The following LEPROT variants were observed in gnomAD, a reference collection of about 807,000 sequenced individuals.
The protein encoded by LEPROT is leptin receptor overlapping transcript, also known as leptin receptor gene-related protein.
Under a neutral mutation model 15.4 loss-of-function variants are expected in LEPROT, and 3 were observed. The observed-to-expected ratio is 0.19, with a 90% CI of 0.09 to 0.50. The LOEUF (loss-of-function observed/expected upper bound fraction) is 0.50. LEPROT is among the 20% of genes least tolerant of loss of function. The probability of loss-of-function intolerance (pLI) is 0.97; values close to 1 mark genes in which losing one functional copy is unlikely to be tolerated. For missense variants in LEPROT, 137 were observed against 162.2 expected, an observed-to-expected ratio of 0.84 and a Z score of 0.84; for synonymous variants, 59 against 57.5, an observed-to-expected ratio of 1.03 and a Z score of -0.12.
chr1:65,429,838 A>G (rs1646451841), intron 2 of LEPROT, 24 bp from the exon 3 acceptor site: 1 of 1,395,574 alleles, frequency 7.2e-7, no homozygotes, highest in Non-Finnish European at 9.4e-7. Flanking sequence ...TTCTTTTTGG[A>G]TTTTGCCTGG....
At chr1:65,423,514 A>G (rs1039988709) in intron 1 of LEPROT, among the ~76,000 whole-genome samples, 1 of 152,204 alleles carries the variant, frequency 6.6e-6, no homozygotes, top group African/African-American at 2.4e-5. Context: ...GGTCAGGCAC[A>G]GAGGAGAGGA....
chr1:65,420,795 C>G (rs1476611629), intron 1 of LEPROT, 55 bp downstream of exon 1: 13 of 1,555,798 alleles, frequency 8.4e-6, no homozygotes, highest in Non-Finnish European at 1.1e-5. Context: ...ACCTCCGTTC[C>G]GGTCAAGCCT....
At chr1:65,425,227 C>T (rs560381139) in intron 1 of LEPROT, 76 bp from the exon 2 acceptor site, 3 of 1,260,824 alleles carry the variant, frequency 2.4e-6, no homozygotes, top group African/African-American at 3.0e-5. Flanking sequence ...AGAAGTCACT[C>T]CCCATTTCCC....
Position 65,431,773 on chromosome 1 carries a change from G to A in LEPROT, c.280-30G>A. The A allele has an allele frequency of 3.1e-6, 5 of 1,602,030 alleles. No homozygotes were observed. In the South Asian group the frequency reaches 4.5e-5, roughly 14 times the overall value. ...AAAGAGTACAATATGAAGGAAGTAA[G>A]GATTTAATCCTTCTTTTCTTGTCTT... On this transcript the variant is annotated intron_variant, in intron 3 of 3. Coordinates refer to ENST00000371065, the MANE Select transcript of LEPROT (RefSeq NM_017526.5).
In LEPROT at chr1:65,434,074, A is replaced by G; in HGVS notation, c.*2155A>G. The G allele has an allele frequency of 1.0e-6, 1 of 985,364 alleles. No individual in the cohort carries two copies. Among genetic ancestry groups the G allele is most frequent in the African/African-American group, 1.7e-5 (1 of 57,364 alleles). The allele number at this position is 985,364 out of a possible 1,614,324, so 61.0% of individuals were successfully genotyped here. ...ATTTTCAATAACCAAGGTAGCCTTC[A>G]TATGTAGCCTTAAAGCATTACCTCT... On this transcript the variant is annotated 3_prime_UTR_variant, in exon 4 of 4. Coordinates refer to ENST00000371065, the MANE Select transcript of LEPROT (RefSeq NM_017526.5).
Position 65,433,989 on chromosome 1 carries a change from G to C in LEPROT, c.*2070G>C, listed in dbSNP as rs923327685. ...GGTGTGCAATAGCTTTTCTTTCTAA[G>C]ATGGCAATAATGATTCATTTCTACT... On this transcript the variant is annotated 3_prime_UTR_variant, in exon 4 of 4. Transcript: ENST00000371065. The C allele has an allele frequency of 8.1e-6, 8 of 985,204 alleles. No homozygotes were observed. Among genetic ancestry groups the C allele is most frequent in the Non-Finnish European group, 9.6e-6 (8 of 829,860 alleles). The allele number at this position is 985,204 out of a possible 1,614,324, so 61.0% of individuals were successfully genotyped here.
intron 1 of LEPROT, 59 bp downstream of exon 1, chr1:65,420,799 C>G (rs1209823192): frequency 1.9e-6 from 3 of 1,552,098 alleles, no homozygotes; most frequent in African/African-American, 2.7e-5. Context: ...CCGTTCCGGT[C>G]AAGCCTGGGG....
rs751274965 is a variant in LEPROT at position 65,431,848 on chromosome 1, AT to A, written c.329del (p.Phe110SerfsTer27). The A allele has an allele frequency of 1.9e-6, 3 of 1,614,120 alleles. No individual in the cohort carries two copies. The highest frequency in any genetic ancestry group is 2.5e-6 in the Non-Finnish European group (3 of 1,179,994). On this transcript the variant is annotated frameshift_variant, in exon 4 of 4. Transcript: ENST00000371065. LOFTEE classifies it high-confidence loss of function. ...CCTTGTGTTGGCAGGCAATGCAGTC[AT>A]TTTCCTTACAATTCAAGGGTTTTTC... ...CGLVLAGNAV[I>X]FLTIQGFFLI...
chr1:65,429,047 C>T (rs896328991), intron 2 of LEPROT, among the ~76,000 whole-genome samples: 19 of 151,952 alleles, frequency 1.3e-4, no homozygotes, highest in African/African-American at 4.6e-4. Flanking sequence ...TCATTCTAGG[C>T]CCTGGAGATA....
chr1:65,428,631 C>T (rs1646425486), intron 2 of LEPROT, among the ~76,000 whole-genome samples: 1 of 152,138 alleles, frequency 6.6e-6, no homozygotes, highest in African/African-American at 2.4e-5. Flanking sequence ...GGCTTCATCC[C>T]AACTCCTGCT....
chr1:65,421,421 G>T, intron 1 of LEPROT: 1 of 1,536,116 alleles, frequency 6.5e-7, no homozygotes, highest in Middle Eastern at 1.7e-4. Flanking sequence ...AGAGCAATGC[G>T]AGACGGAAAA....
At chr1:65,429,756 G>T (rs1241571977) in intron 2 of LEPROT, 106 bp from the exon 3 acceptor site, 5 of 967,528 alleles carry the variant, frequency 5.2e-6, no homozygotes, top group Non-Finnish European at 7.3e-6. Context: ...TTAATTTTTT[G>T]ACCTAAACAT....
chr1:65,431,429 A>G (rs779216634), intron 3 of LEPROT, among the ~76,000 whole-genome samples: 5 of 152,258 alleles, frequency 3.3e-5, no homozygotes, highest in African/African-American at 4.8e-5. Flanking sequence ...ACACAAATTT[A>G]TAACTCTACA....
intron 1 of LEPROT, chr1:65,421,500 C>G: frequency 6.5e-7 from 1 of 1,535,076 alleles, no homozygotes; most frequent in Non-Finnish European, 8.7e-7. Flanking sequence ...AATAGAGTAG[C>G]ATGACTTGTT....
At chr1:65,427,118 C>T (rs1487717615) in intron 2 of LEPROT, among the ~76,000 whole-genome samples, 1 of 152,080 alleles carries the variant, frequency 6.6e-6, no homozygotes, top group Non-Finnish European at 1.5e-5. Context: ...TTGTTTAAAC[C>T]CAAGAGGGAT....
Position 65,434,180 on chromosome 1 carries a change from G to A in LEPROT, c.*2261G>A. 1 of 983,492 alleles carries A rather than the reference G, an allele frequency of 1.0e-6. No homozygotes were observed. Among genetic ancestry groups the A allele is most frequent in the Non-Finnish European group, 1.2e-6 (1 of 828,198 alleles). 60.9% of individuals were successfully genotyped at this position (983,492 alleles called of 1,614,324 possible). ...AGATTATTAGATTTGCTCTATGTCT[G>A]AAAAGAGAGCTATTCTGCAGTGCCT... On this transcript the variant is annotated 3_prime_UTR_variant, in exon 4 of 4. Coordinates refer to ENST00000371065, the MANE Select transcript of LEPROT (RefSeq NM_017526.5).
chr1:65,427,309 C>A (rs754510899), intron 2 of LEPROT, among the ~76,000 whole-genome samples: 38 of 152,188 alleles, frequency 2.5e-4, no homozygotes, highest in Non-Finnish European at 4.7e-4. Context: ...CGTGGTGGCT[C>A]ATGCCTATAA....
rs746837693 is a variant in LEPROT, at chr1:65,425,292, A to G, written c.17-11A>G. Reference sequence around the variant, plus strand: ...TGTGGGAACTTTAACTTTTGGCTTTATTTTTCACAGCTCTCGTGGCATTAT... The same window carrying G: ...TGTGGGAACTTTAACTTTTGGCTTTGTTTTTCACAGCTCTCGTGGCATTAT... On this transcript the variant is annotated splice_polypyrimidine_tract_variant and intron_variant, in intron 1 of 3. Coordinates refer to ENST00000371065, the MANE Select transcript of LEPROT (RefSeq NM_017526.5). 2 of 1,611,264 alleles carry G rather than the reference A, an allele frequency of 1.2e-6. No individual in the cohort carries two copies. Among genetic ancestry groups the G allele is most frequent in the African/African-American group, 2.7e-5 (2 of 74,654 alleles).
chr1:65,430,412 A>G (rs898719398), intron 3 of LEPROT: 1 of 160,554 alleles, frequency 6.2e-6, no homozygotes, highest in Non-Finnish European at 1.4e-5. Context: ...TTCTCCTGCA[A>G]ATGGGATCAT....
Sources: allele counts gnomAD v4.1 joint callset (sites outside exome capture counted in the v4.1 genomes callset), GRCh38; gene constraint gnomAD v4.1.1; transcripts MANE v1.5; gene names NCBI Gene and HGNC (gene_info 2026-07-23, HGNC 2026-07-21).